Variants in ADAM12 observed in about 807,000 individuals in gnomAD.
ADAM12 encodes ADAM metallopeptidase domain 12.
In ADAM12, 70 loss-of-function variants were observed where a neutral mutation model predicts 106.4. The ratio of observed to expected loss-of-function variants is 0.66; its 90% CI spans 0.54 to 0.80. The LOEUF (loss-of-function observed/expected upper bound fraction) is 0.80. Among genes scored for constraint, ADAM12 ranks in the 30% least tolerant of loss-of-function variants. ADAM12 has a pLI of 0.00. For synonymous variants in ADAM12, 420 were observed against 433.5 expected, an observed-to-expected ratio of 0.97 and a Z score of 0.39; for missense variants, 1,010 against 1,171.9, an observed-to-expected ratio of 0.86 and a Z score of 2.02.
In ADAM12 at chr10:126,049,140, A is replaced by G; in HGVS notation, c.1917+113T>C. On this transcript the variant is annotated intron_variant, in intron 16 of 22. Transcript: ENST00000448723. This position sits in a 1 kb window ranked among gnomAD's most constrained non-coding sequence, Gnocchi z 4.4. ...TGACTTTTTCTTCTAGGTGCATCTG[A>G]GAAGAAGTAGATTTAGGAAAACCAA... is the stretch of plus-strand genomic sequence containing the variant. The G allele has an allele frequency of 7.4e-7, 1 of 1,359,612 alleles. No individual in the cohort carries two copies. The highest frequency in any genetic ancestry group is 1.0e-6 in the Non-Finnish European group (1 of 974,534). The allele number at this position is 1,359,612 out of a possible 1,614,324, so 84.2% of individuals were successfully genotyped here.
At chr10:126,036,421 G>C in intron 20 of ADAM12, 96 bp from the exon 21 acceptor site, 1 of 1,246,694 alleles carries the variant, frequency 8.0e-7, no homozygotes, top group Non-Finnish European at 1.1e-6. Context: ...TGTTATAGCT[G>C]AAGGCCAAGG....
chr10:126,030,089 T>C (rs954593097), intron 21 of ADAM12, among the ~76,000 whole-genome samples: 2 of 152,182 alleles, frequency 1.3e-5, no homozygotes, highest in African/African-American at 2.4e-5. Context: ...AAAGAAGTCA[T>C]GGTATAGCTT....
At chr10:126,040,070 ACAT>A (rs1954133126) in intron 18 of ADAM12, among the ~76,000 whole-genome samples, 1 of 152,164 alleles carries the variant, frequency 6.6e-6, no homozygotes, top group African/African-American at 2.4e-5. Context: ...CTCTATGAAA[ACAT>A]CTTCTTTTCT....
At chr10:126,209,998 T>C (rs1191276892) in intron 3 of ADAM12, among the ~76,000 whole-genome samples, 1 of 152,250 alleles carries the variant, frequency 6.6e-6, no homozygotes, top group Non-Finnish European at 1.5e-5. Context: ...CAGACTCACA[T>C]AACTACATCT....
At chr10:126,198,030 T>C (rs955022797) in intron 3 of ADAM12, among the ~76,000 whole-genome samples, 3 of 152,214 alleles carry the variant, frequency 2.0e-5, no homozygotes, top group Non-Finnish European at 4.4e-5. Context: ...GTGTTCCAAA[T>C]TAACATCACT....
intron 6 of ADAM12, among the ~76,000 whole-genome samples, chr10:126,117,295 G>A (rs1028719058): frequency 2.6e-5 from 4 of 152,184 alleles, no homozygotes; most frequent in Admixed American, 6.5e-5. Flanking sequence ...GACACTACAC[G>A]TGTCAGGAAG....
At chr10:126,364,064 AT>A (rs2133907999) in intron 1 of ADAM12, among the ~76,000 whole-genome samples, 1 of 152,274 alleles carries the variant, frequency 6.6e-6, no homozygotes, top group East Asian at 1.9e-4. Flanking sequence ...AGGTCACAAG[AT>A]TTAAAAAGAG....
At chr10:126,036,625 T>TAAAG (rs1323508241) in intron 20 of ADAM12, among the ~76,000 whole-genome samples, 1 of 152,134 alleles carries the variant, frequency 6.6e-6, no homozygotes, top group Admixed American at 6.5e-5. Context: ...GTACCAAGTA[T>TAAAG]AAAGAAAGAC....
intron 2 of ADAM12, among the ~76,000 whole-genome samples, chr10:126,286,253 A>G (rs1046537670): frequency 3.3e-5 from 5 of 152,106 alleles, no homozygotes; most frequent in Non-Finnish European, 7.4e-5. Flanking sequence ...CTGAGGGTGA[A>G]TTAATGTGGC....
At chr10:126,022,899 T>C (rs1953795499) in intron 21 of ADAM12, among the ~76,000 whole-genome samples, 1 of 152,274 alleles carries the variant, frequency 6.6e-6, no homozygotes, top group Non-Finnish European at 1.5e-5. Flanking sequence ...TTCTATATTC[T>C]GCTCATGTTC....
chr10:126,213,194 T>G (rs1472591530), intron 3 of ADAM12, among the ~76,000 whole-genome samples: 1 of 152,204 alleles, frequency 6.6e-6, no homozygotes, highest in Non-Finnish European at 1.5e-5. Flanking sequence ...CTACTAAATA[T>G]AGTAACCTTA....
intron 1 of ADAM12, among the ~76,000 whole-genome samples, chr10:126,366,451 C>T (rs1855914330): frequency 6.8e-6 from 1 of 147,880 alleles, no homozygotes; most frequent in Non-Finnish European, 1.5e-5. Context: ...AAATGAAGAA[C>T]TACAGCTAAA....
At chr10:126,050,325 AT>A (rs1235411529) in intron 14 of ADAM12, among the ~76,000 whole-genome samples, 1 of 152,172 alleles carries the variant, frequency 6.6e-6, no homozygotes, top group African/African-American at 2.4e-5. Context: ...AGAAATGGCC[AT>A]TTTTAGCACA....
At chr10:126,147,599 C>T (rs952041349) in intron 4 of ADAM12, among the ~76,000 whole-genome samples, 3 of 152,210 alleles carry the variant, frequency 2.0e-5, no homozygotes, top group Non-Finnish European at 2.9e-5. Context: ...CAGCCTGGAA[C>T]GTTTCTCCTC....
chr10:126,251,931 T>TG (rs1958783180), intron 3 of ADAM12, among the ~76,000 whole-genome samples: 1 of 55,000 alleles, frequency 1.8e-5, no homozygotes, highest in Non-Finnish European at 3.7e-5. Context: ...ATGGATAGGA[T>TG]GGATGGATGG....
chr10:126,132,720 TG>T (rs1946308435), intron 5 of ADAM12, among the ~76,000 whole-genome samples: 1 of 152,056 alleles, frequency 6.6e-6, no homozygotes, highest in African/African-American at 2.4e-5. Context: ...CCATGCAAAC[TG>T]GGGCTCAGAG....
chr10:126,199,734 G>A (rs1957663584), intron 3 of ADAM12, among the ~76,000 whole-genome samples: 1 of 152,146 alleles, frequency 6.6e-6, no homozygotes. Context: ...TTCTGTACAT[G>A]TCAGTAATAT....
At chr10:126,184,835 C>CA (rs1432443036) in intron 3 of ADAM12, among the ~76,000 whole-genome samples, 1 of 152,142 alleles carries the variant, frequency 6.6e-6, no homozygotes, top group East Asian at 1.9e-4. Context: ...AAGTGTACAA[C>CA]AAGGGTACGA....
At position 126,039,342 on chromosome 10, in the gene ADAM12, A is replaced by G; in HGVS notation, c.2192T>C (p.Leu731Ser). ...GFVVYLKRKT[L>S]IRLLFTNKKT... The stretch of plus-strand genomic sequence containing the variant: ...CTTATTTGTAAACAGCAGTCGTATC[A>G]AGGTCTTCCTTTTGAGATAAACCAC... The change falls in exon 19 of 23, where the codon TTG becomes TCG. Residue 731 changes from leucine (L) to serine (S), a missense_variant. Coordinates refer to ENST00000448723, the MANE Select transcript of ADAM12 (RefSeq NM_001288973.2). 6.2e-7 allele frequency: 1 copy of G among 1,614,146 alleles called. No individual in the cohort carries two copies. The highest frequency in any genetic ancestry group is 8.5e-7 in the Non-Finnish European group (1 of 1,180,004).
Sources: allele counts gnomAD v4.1 joint callset (sites outside exome capture counted in the v4.1 genomes callset), GRCh38; gene constraint gnomAD v4.1.1; non-coding constraint Gnocchi (gnomAD v3.1); transcripts MANE v1.5; gene names NCBI Gene and HGNC (gene_info 2026-07-23, HGNC 2026-07-21).